CHRM3: variants seen among roughly 807,000 people sequenced by gnomAD.
CHRM3 encodes muscarinic acetylcholine receptor M3.
Under a neutral mutation model 41.8 loss-of-function variants are expected in CHRM3, and 11 were observed. The observed-to-expected ratio is 0.26, with a 90% confidence interval of 0.17 to 0.44. The LOEUF (loss-of-function observed/expected upper bound fraction) is 0.44, where lower values mean the gene tolerates loss of function less well. Among genes scored for constraint, CHRM3 ranks in the 20% least tolerant of loss-of-function variants. The pLI is 1.00. For synonymous variants in CHRM3, 297 were observed against 301.4 expected, an observed-to-expected ratio of 0.99 and a Z score of 0.15; for missense variants, 571 against 745.4, an observed-to-expected ratio of 0.77 and a Z score of 2.72.
chr1:239,765,649 A>G (rs1346637084), intron 5 of CHRM3, among the ~76,000 whole-genome samples: 2 of 150,984 alleles, frequency 1.3e-5, no homozygotes, highest in South Asian at 4.2e-4. Flanking sequence ...GAAAGAGCCC[A>G]ACTTCTTTCT....
chr1:239,588,864 C>A (rs1663726528), intron 3 of CHRM3, among the ~76,000 whole-genome samples: 1 of 152,020 alleles, frequency 6.6e-6, no homozygotes, highest in Non-Finnish European at 1.5e-5. Context: ...AAAAGAAAAT[C>A]ACTTGTTAAA....
At chr1:239,884,747 G>A (rs1052582597) in intron 6 of CHRM3, among the ~76,000 whole-genome samples, 12 of 152,162 alleles carry the variant, frequency 7.9e-5, no homozygotes, top group Admixed American at 7.2e-4. Flanking sequence ...GGTAAACTCA[G>A]CAGTTGTATG....
chr1:239,891,099 A>G (rs1678517032), intron 6 of CHRM3, among the ~76,000 whole-genome samples: 1 of 152,140 alleles, frequency 6.6e-6, no homozygotes, highest in Admixed American at 6.5e-5. Flanking sequence ...CTGCCTGTAT[A>G]TGCATATGTG....
chr1:239,605,325 G>A (rs1666116720), intron 3 of CHRM3, among the ~76,000 whole-genome samples: 1 of 152,094 alleles, frequency 6.6e-6, no homozygotes, highest in Non-Finnish European at 1.5e-5. Context: ...TTACTATTGT[G>A]TAACAACTGC....
chr1:239,435,420 GC>G (rs1277736391), intron 1 of CHRM3, among the ~76,000 whole-genome samples: 1 of 149,780 alleles, frequency 6.7e-6, no homozygotes. Context: ...CTGCACTCCA[GC>G]CTGGGCGACA....
intron 1 of CHRM3, among the ~76,000 whole-genome samples, chr1:239,462,797 C>G (rs1461412021): frequency 6.6e-6 from 1 of 152,152 alleles, no homozygotes; most frequent in Non-Finnish European, 1.5e-5. Flanking sequence ...CTTGATGCTT[C>G]ACATTATATT....
At chr1:239,798,319 T>C (rs559051779) in intron 5 of CHRM3, among the ~76,000 whole-genome samples, 11 of 152,306 alleles carry the variant, frequency 7.2e-5, no homozygotes, top group Non-Finnish European at 1.6e-4. Flanking sequence ...TCAAAAGTTA[T>C]ATGTGGGTTT....
intron 6 of CHRM3, among the ~76,000 whole-genome samples, chr1:239,885,618 G>T (rs1408517466): frequency 6.6e-6 from 1 of 152,084 alleles, no homozygotes; most frequent in Non-Finnish European, 1.5e-5. Context: ...GCCAAACAAT[G>T]ACTTTCTGCA....
At chr1:239,800,614 A>G (rs945651080) in intron 5 of CHRM3, among the ~76,000 whole-genome samples, 2 of 152,164 alleles carry the variant, frequency 1.3e-5, no homozygotes, top group African/African-American at 4.8e-5. Flanking sequence ...TACAACGTCC[A>G]AGTCCAAGGA....
At chr1:239,530,452 T>C (rs1670324347) in intron 2 of CHRM3, among the ~76,000 whole-genome samples, 1 of 152,048 alleles carries the variant, frequency 6.6e-6, no homozygotes, top group African/African-American at 2.4e-5. Flanking sequence ...TAATGAAAAA[T>C]ACTAAGAAAA....
chr1:239,438,206 A>T (rs528071681), intron 1 of CHRM3, among the ~76,000 whole-genome samples: 4 of 152,098 alleles, frequency 2.6e-5, no homozygotes, highest in African/African-American at 9.6e-5. Context: ...CCACTATAGA[A>T]TTTTTTTTCT....
chr1:239,663,990 A>AT (rs35706144), intron 4 of CHRM3, among the ~76,000 whole-genome samples: 8,545 of 152,164 alleles, frequency 0.056, 333 homozygotes, highest in Non-Finnish European at 0.084. Flanking sequence ...AAAAATTAAC[A>AT]TTTTTTTCTT....
At chr1:239,791,183 C>T (rs1423360942) in intron 5 of CHRM3, among the ~76,000 whole-genome samples, 1 of 152,134 alleles carries the variant, frequency 6.6e-6, no homozygotes, top group East Asian at 1.9e-4. Context: ...CGGCTCACTG[C>T]AACCTCTGCC....
At position 239,406,154 on chromosome 1, in the gene CHRM3, T is replaced by G. The variant is rs148222245; in HGVS notation, c.-521+18927T>G. On this transcript the variant is annotated intron_variant, in intron 1 of 6. Transcript: ENST00000676153. ...ATCTACTCGCCTAGGCCTCCCAAAG[T>G]GCTGGGATTACAGGCGTGAGCCACC... is the stretch of plus-strand genomic sequence containing the variant. Among the ~76,000 whole-genome samples the G allele has an allele frequency of 9.9e-3, 1,504 of 152,254 alleles. 23 individuals carry two copies. Among genetic ancestry groups the G allele is most frequent in the African/African-American group, 0.034 (1,408 of 41,552 alleles).
At chr1:239,851,258 T>C (rs1674674172) in intron 6 of CHRM3, among the ~76,000 whole-genome samples, 1 of 152,184 alleles carries the variant, frequency 6.6e-6, no homozygotes, top group Admixed American at 6.6e-5. Flanking sequence ...GTTTTTTAAA[T>C]TCTTCTTTAA....
chr1:239,794,790 T>G (rs1669635146), intron 5 of CHRM3, among the ~76,000 whole-genome samples: 1 of 152,216 alleles, frequency 6.6e-6, no homozygotes, highest in South Asian at 2.1e-4. Flanking sequence ...TACATTGATA[T>G]ATCTCCATCC....
At position 239,661,656 on chromosome 1, in the gene CHRM3, G is replaced by T. The variant is rs535745342; in HGVS notation, c.-249-16530G>T. Among the ~76,000 whole-genome samples, 4 of 152,302 alleles carry T rather than the reference G, an allele frequency of 2.6e-5. No individual in the cohort carries two copies. In the East Asian group the frequency reaches 7.7e-4, roughly 29 times the overall value. ...TGATGACTGGTTGCCAAGAGTTAGCGTAGAGGGAGGGATGAACAGGTTGGA... is the reference window on the plus strand; with the variant it reads ...TGATGACTGGTTGCCAAGAGTTAGCTTAGAGGGAGGGATGAACAGGTTGGA... On this transcript the variant is annotated intron_variant, in intron 4 of 6. Transcript: ENST00000676153.
chr1:239,452,948 G>A (rs1331267754), intron 1 of CHRM3, among the ~76,000 whole-genome samples: 1 of 151,938 alleles, frequency 6.6e-6, no homozygotes, highest in Admixed American at 6.6e-5. Flanking sequence ...CTACAGGCAC[G>A]CACCACCATG....
chr1:239,681,625 G>A (rs1658574170), intron 5 of CHRM3, among the ~76,000 whole-genome samples: 1 of 152,180 alleles, frequency 6.6e-6, no homozygotes, highest in Non-Finnish European at 1.5e-5. Context: ...TGGGTACAGT[G>A]GCTCATGCCT....
Sources: gnomAD v4.1 joint callset for allele counts (sites outside exome capture counted in the v4.1 genomes callset) on GRCh38, gnomAD v4.1.1 for gene constraint, MANE v1.5 for transcripts, NCBI Gene and HGNC (gene_info 2026-07-23, HGNC 2026-07-21) for gene names.